DTX2: variants seen among roughly 807,000 people sequenced by gnomAD.
DTX2 encodes deltex E3 ubiquitin ligase 2.
DTX2 carries 29 observed loss-of-function variants against 55.3 expected under a neutral mutation model. That is an observed-to-expected ratio of 0.52 (90% CI 0.39 to 0.71). DTX2 has a LOEUF of 0.71. DTX2 is among the 30% of genes least tolerant of loss of function. The probability of loss-of-function intolerance (pLI) is 0.00; values close to 1 mark genes in which losing one functional copy is unlikely to be tolerated. For missense variants in DTX2, 537 were observed against 822.5 expected (o/e 0.65, Z 4.25); for synonymous variants, 276 against 340.4 (o/e 0.81, Z 2.08).
intron 1 of DTX2, among the ~76,000 whole-genome samples, chr7:76,463,171 G>A (rs1439757313): frequency 6.7e-6 from 1 of 149,966 alleles, no homozygotes; most frequent in Non-Finnish European, 1.5e-5. Context: ...CCAGCTACTC[G>A]GGAAGCTGAG....
At position 76,505,644 on chromosome 7, in the gene DTX2, C is replaced by T; in HGVS notation, c.*43C>T. 1 of 1,522,864 alleles carries T rather than the reference C, an allele frequency of 6.6e-7. No homozygotes were observed. The highest frequency in any genetic ancestry group is 8.8e-7 in the Non-Finnish European group (1 of 1,135,390). The allele number at this position is 1,522,864 out of a possible 1,614,324, so 94.3% of individuals were successfully genotyped here. A position where few individuals can be genotyped will look rare whatever the true frequency, so the allele number is the denominator to read the frequency against. The stretch of plus-strand genomic sequence containing the variant: ...CCCGCCTCTGGTGGCCACCCCGCTG[C>T]CCCATGGCTGGCTGGGTGGCCAGGC... On this transcript the variant is annotated 3_prime_UTR_variant, in exon 11 of 11. Coordinates refer to ENST00000430490, the MANE Select transcript of DTX2 (RefSeq NM_001102594.3). The surrounding 1 kb of genome is among the most constrained non-coding windows in gnomAD (Gnocchi z 4.4).
intron 2 of DTX2, among the ~76,000 whole-genome samples, chr7:76,467,942 G>A (rs1319915062): frequency 6.6e-6 from 1 of 152,304 alleles, no homozygotes; most frequent in Admixed American, 6.5e-5. Context: ...CTGCCAGGAG[G>A]TCCAGATGGC....
At chr7:76,468,101 G>C (rs535140415) in intron 2 of DTX2, among the ~76,000 whole-genome samples, 1 of 152,414 alleles carries the variant, frequency 6.6e-6, no homozygotes, top group South Asian at 2.1e-4. Flanking sequence ...AGGGAGGCCA[G>C]GGCCTGATTC....
intron 4 of DTX2, among the ~76,000 whole-genome samples, chr7:76,491,060 A>G (rs371466218): frequency 2.4e-3 from 291 of 120,836 alleles, no homozygotes; most frequent in Middle Eastern, 0.013. Context: ...GCAGTGGTGC[A>G]ATCTCGGCTC....
intron 3 of DTX2, among the ~76,000 whole-genome samples, chr7:76,481,835 G>GT (rs58594004): frequency 2.4e-4 from 36 of 146,944 alleles, no homozygotes; most frequent in Non-Finnish European, 3.9e-4. Flanking sequence ...AAAAGTATGG[G>GT]TTTTTTTTTT....
chr7:76,498,297 G>A (rs1811157520), intron 6 of DTX2, among the ~76,000 whole-genome samples: 2 of 149,888 alleles, frequency 1.3e-5, no homozygotes, highest in African/African-American at 2.4e-5. Flanking sequence ...GATCGTGTCC[G>A]ACCTCCAGCC....
chr7:76,473,938 TGAGAC>T (rs1808223155), intron 2 of DTX2, among the ~76,000 whole-genome samples: 2 of 113,328 alleles, frequency 1.8e-5, no homozygotes, highest in East Asian at 2.8e-4. Flanking sequence ...TTTTTTTTTT[TGAGAC>T]TGAGTTTCAC....
At chr7:76,471,976 G>A (rs1321111274) in intron 2 of DTX2, 2 of 149,168 alleles carry the variant, frequency 1.3e-5, no homozygotes, top group South Asian at 4.3e-4. Context: ...CTTCCCTTCC[G>A]GCCACCCACT....
At chr7:76,466,067 AG>A (rs1474108360) in intron 2 of DTX2, among the ~76,000 whole-genome samples, 2 of 115,888 alleles carry the variant, frequency 1.7e-5, no homozygotes, top group Non-Finnish European at 3.4e-5. Context: ...TGAGGAAGGA[AG>A]ATGCGTTTGG....
chr7:76,481,289 C>T (rs2903803), intron 3 of DTX2, among the ~76,000 whole-genome samples: 16 of 152,038 alleles, frequency 1.1e-4, no homozygotes, highest in African/African-American at 7.2e-5. Context: ...TGGGTTCAAG[C>T]GATTCTCCTG....
intron 2 of DTX2, chr7:76,477,190 G>C (rs1196070797): frequency 2.1e-5 from 3 of 143,620 alleles, no homozygotes; most frequent in African/African-American, 8.3e-5. Flanking sequence ...TCTGATCTTC[G>C]GGGCAGGTTG....
At chr7:76,482,094 A>G (rs113440354) in intron 3 of DTX2, among the ~76,000 whole-genome samples, 5,860 of 152,212 alleles carry the variant, frequency 0.038, 319 homozygotes, top group African/African-American at 0.13. Flanking sequence ...TGTGAAGTCA[A>G]CTGAGAAAGA....
chr7:76,501,461 G>A (rs943818203), intron 7 of DTX2, among the ~76,000 whole-genome samples: 8 of 151,058 alleles, frequency 5.3e-5, no homozygotes, highest in Admixed American at 1.3e-4. Context: ...CCAAGCTGCC[G>A]TCTGCACAGC....
At chr7:76,467,994 G>T (rs1285994329) in intron 2 of DTX2, among the ~76,000 whole-genome samples, 5 of 152,292 alleles carry the variant, frequency 3.3e-5, no homozygotes, top group Admixed American at 1.3e-4. Flanking sequence ...GCATCCCGAG[G>T]ACAGCTTTGG....
intron 7 of DTX2, chr7:76,501,129 G>A: frequency 2.6e-6 from 1 of 377,734 alleles, no homozygotes; most frequent in South Asian, 2.0e-5. Context: ...TTAGCTGGGA[G>A]CCCTGGAGAT....
At chr7:76,486,351 A>AGGCAGGCAG (rs1172041157) in intron 4 of DTX2, among the ~76,000 whole-genome samples, 11 of 97,714 alleles carry the variant, frequency 1.1e-4, no homozygotes, top group Admixed American at 5.9e-4. Context: ...GGATGTGAGG[A>AGGCAGGCAG]GGCAGGCAGG....
rs1246886273 is a variant in DTX2, at chr7:76,483,057, C to G, written c.818C>G (p.Ser273Cys). ...TTNAWGAAPP[S>C]LGSQPLYRSS... ...AACGCCTGGGGCGCAGCTCCTCCTT[C>G]CCTGGGGAGCCAGCCCCTCTACCGC... The change falls in exon 4 of 11, where the codon TCC becomes TGC. Residue 273 changes from serine (S) to cysteine (C), a missense_variant. Coordinates refer to ENST00000430490, the MANE Select transcript of DTX2 (RefSeq NM_001102594.3). The G allele has an allele frequency of 6.2e-7, 1 of 1,613,138 alleles. No individual in the cohort carries two copies. The highest frequency in any genetic ancestry group is 2.2e-5 in the East Asian group (1 of 44,884).
At chr7:76,493,713 G>C (rs1406040236) in intron 5 of DTX2, among the ~76,000 whole-genome samples, 2 of 138,600 alleles carry the variant, frequency 1.4e-5, no homozygotes, top group Non-Finnish European at 3.2e-5. Context: ...CCTCAGACCT[G>C]GGGGCACCAG....
At chr7:76,486,245 A>G (rs1241275220) in intron 4 of DTX2, among the ~76,000 whole-genome samples, 1 of 151,340 alleles carries the variant, frequency 6.6e-6, no homozygotes, top group African/African-American at 2.4e-5. Flanking sequence ...ATGTAGAGCC[A>G]GATGGGGCTT....
Sources: allele counts gnomAD v4.1 joint callset (sites outside exome capture counted in the v4.1 genomes callset), GRCh38; gene constraint gnomAD v4.1.1; non-coding constraint Gnocchi (gnomAD v3.1); transcripts MANE v1.5; gene names NCBI Gene and HGNC (gene_info 2026-07-23, HGNC 2026-07-21).